The following GRIK4 variants were observed in gnomAD, a reference collection of about 807,000 sequenced individuals.
GRIK4 encodes the protein glutamate ionotropic receptor kainate type subunit 4, also known as glutamate receptor ionotropic, kainate 4.
A neutral mutation model predicts 104.9 loss-of-function variants in GRIK4; 40 were observed. The ratio of observed to expected loss-of-function variants is 0.38; its 90% CI spans 0.30 to 0.50. GRIK4 has a LOEUF of 0.50. Among genes scored for constraint, GRIK4 ranks in the 20% least tolerant of loss-of-function variants. GRIK4 has a pLI of 0.93. For missense variants in GRIK4, 1,047 were observed against 1,308.1 expected (o/e 0.80, Z 3.08); for synonymous variants, 485 against 524.9 (o/e 0.92, Z 1.04).
At chr11:120,863,945 T>C (rs1954326285) in intron 9 of GRIK4, among the ~76,000 whole-genome samples, 2 of 152,182 alleles carry the variant, frequency 1.3e-5, no homozygotes, top group South Asian at 4.1e-4. Context: ...GGAGCGGGTT[T>C]GAGAAAGAGT....
At chr11:120,943,734 T>TCA (rs1431513047) in intron 14 of GRIK4, among the ~76,000 whole-genome samples, 1 of 152,248 alleles carries the variant, frequency 6.6e-6, no homozygotes, top group Non-Finnish European at 1.5e-5. Flanking sequence ...GTCACCTGAC[T>TCA]GATGAGTTAT....
chr11:120,858,388 T>C (rs750452120), intron 8 of GRIK4: 1 of 152,300 alleles, frequency 6.6e-6, no homozygotes, highest in African/African-American at 2.4e-5. Flanking sequence ...TTTCTCTGAA[T>C]AGATGTAGAG....
At chr11:120,708,340 G>C (rs2135347768) in intron 3 of GRIK4, among the ~76,000 whole-genome samples, 1 of 152,244 alleles carries the variant, frequency 6.6e-6, no homozygotes, top group South Asian at 2.1e-4. Context: ...CTGCTTCCTT[G>C]ATGTCTGTGA....
intron 20 of GRIK4, among the ~76,000 whole-genome samples, chr11:120,984,820 CTTTT>C (rs569201252): frequency 7.8e-5 from 9 of 115,790 alleles, no homozygotes; most frequent in Admixed American, 9.0e-5. Flanking sequence ...CATCTATATT[CTTTT>C]TTTTTTTTTT....
chr11:120,983,899 G>A (rs1253769984), intron 20 of GRIK4, among the ~76,000 whole-genome samples: 1 of 152,204 alleles, frequency 6.6e-6, no homozygotes, highest in African/African-American at 2.4e-5. Flanking sequence ...ATTGTCACAT[G>A]TAATAGATTA....
chr11:120,766,352 C>T (rs746621584), intron 3 of GRIK4, among the ~76,000 whole-genome samples: 5 of 152,188 alleles, frequency 3.3e-5, no homozygotes, highest in East Asian at 1.9e-4. Context: ...GTGCTGGCAG[C>T]GGGAATTTCA....
chr11:120,960,773 C>T (rs1178865603), intron 16 of GRIK4, 136 bp from the exon 17 acceptor site: 5 of 626,738 alleles, frequency 8.0e-6, no homozygotes, highest in Non-Finnish European at 1.4e-5. Flanking sequence ...CCTCCTTTCT[C>T]TTCCCCCACT....
intron 4 of GRIK4, among the ~76,000 whole-genome samples, chr11:120,811,143 C>T (rs540724102): frequency 2.6e-5 from 4 of 152,026 alleles, no homozygotes; most frequent in Non-Finnish European, 5.9e-5. Flanking sequence ...GGAGATGGCA[C>T]GGTGGGAGAA....
intron 3 of GRIK4, among the ~76,000 whole-genome samples, chr11:120,676,193 T>A (rs139148050): frequency 2.4e-4 from 36 of 152,154 alleles, no homozygotes; most frequent in Non-Finnish European, 4.7e-4. Flanking sequence ...TAATGGTGGG[T>A]TGAGTCATTC....
intron 3 of GRIK4, among the ~76,000 whole-genome samples, chr11:120,692,332 C>T (rs748502267): frequency 1.2e-4 from 19 of 152,204 alleles, no homozygotes; most frequent in East Asian, 3.8e-4. Flanking sequence ...CACAGTTACT[C>T]GTTTAAAACC....
chr11:120,960,131 C>T lies in GRIK4; in HGVS notation c.1875-778C>T, dbSNP rs976615647. 3.3e-5 allele frequency among the ~76,000 whole-genome samples: 5 copies of T among 152,268 alleles called. No individual in the cohort carries two copies. In the East Asian group the frequency reaches 9.6e-4, roughly 29 times the overall value. On this transcript the variant is annotated intron_variant, in intron 16 of 20. Transcript: ENST00000527524. ...GGATCACAAGGTCAAGAGATAGAGA[C>T]CATCCTGGCCAACACAGTGAAACCC...
At chr11:120,735,629 G>A (rs944720770) in intron 3 of GRIK4, among the ~76,000 whole-genome samples, 2 of 152,062 alleles carry the variant, frequency 1.3e-5, no homozygotes, top group East Asian at 1.9e-4. Context: ...CTTTCAAGGC[G>A]ACAAGTTCCC....
At chr11:120,871,899 T>TTGCTC (rs1954620621) in intron 9 of GRIK4, 1 of 456,178 alleles carries the variant, frequency 2.2e-6, no homozygotes, top group Non-Finnish European at 4.4e-6. Flanking sequence ...GTTGACTGTT[T>TTGCTC]TGCTCTGTAA....
chr11:120,611,569 G>A (rs2135148390), intron 1 of GRIK4, among the ~76,000 whole-genome samples: 1 of 152,252 alleles, frequency 6.6e-6, no homozygotes, highest in South Asian at 2.1e-4. Context: ...GCTGCAGCCT[G>A]CACACCCAGC....
rs972009627 is a variant in GRIK4 at position 120,524,215 on chromosome 11, G to T, written c.-159+12328G>T. ...GCTGGGATTAGCGGCGTGAGCCACC[G>T]CGTCTGGCCGTTTCTGCATTCTTTC... On this transcript the variant is annotated intron_variant, in intron 1 of 20. Coordinates refer to ENST00000527524, the MANE Select transcript of GRIK4 (RefSeq NM_014619.5). The surrounding 1 kb of genome is among the most constrained non-coding windows in gnomAD (Gnocchi z 4.5). Among the ~76,000 whole-genome samples the T allele has an allele frequency of 2.0e-5, 3 of 152,180 alleles. No individual in the cohort carries two copies. The highest frequency in any genetic ancestry group is 7.2e-5 in the African/African-American group (3 of 41,446).
intron 18 of GRIK4, among the ~76,000 whole-genome samples, chr11:120,963,242 G>A (rs969100398): frequency 2.0e-5 from 3 of 152,222 alleles, no homozygotes; most frequent in Non-Finnish European, 1.5e-5. Context: ...AGAAGGGGCA[G>A]TAAGGCTCTG....
chr11:120,855,564 C>CTTTTTTTTTTTTTT (rs10717552), intron 8 of GRIK4, among the ~76,000 whole-genome samples: 1 of 145,036 alleles, frequency 6.9e-6, no homozygotes, highest in Non-Finnish European at 1.5e-5. Context: ...CTTATGGTGA[C>CTTTTTTTTTTTTTT]TTTTTTTTTT....
intron 3 of GRIK4, among the ~76,000 whole-genome samples, chr11:120,660,694 AAGG>A (rs1375236772): frequency 6.6e-6 from 1 of 152,190 alleles, no homozygotes; most frequent in Non-Finnish European, 1.5e-5. Flanking sequence ...GTCGGGGAAA[AAGG>A]AGGGTGAGGA....
In GRIK4 at chr11:120,831,976, C is replaced by A. The variant is rs148308915; in HGVS notation, c.636C>A (p.Thr212=). The A allele has an allele frequency of 1.9e-6, 3 of 1,613,776 alleles. No homozygotes were observed. In the East Asian group the frequency reaches 6.7e-5, roughly 36 times the overall value. Residue 212 remains threonine, a synonymous_variant, in exon 7 of 21, where the codon ACC becomes ACA. Transcript: ENST00000527524. ...PLLKEIRDDK[T]ATIIIHANAS... ...TCAAGGAGATCCGGGACGACAAGAC[C>A]GCCACCATCATCATCCACGCCAACG...
Sources: allele counts gnomAD v4.1 joint callset (sites outside exome capture counted in the v4.1 genomes callset), GRCh38; gene constraint gnomAD v4.1.1; non-coding constraint Gnocchi (gnomAD v3.1); transcripts MANE v1.5; gene names NCBI Gene and HGNC (gene_info 2026-07-23, HGNC 2026-07-21).